CABLES1: variants seen among roughly 807,000 people sequenced by gnomAD.
CABLES1 encodes the protein Cdk5 and Abl enzyme substrate 1, also known as CDK5 and ABL1 enzyme substrate 1.
CABLES1 carries 36 observed loss-of-function variants against 57.8 expected under a neutral mutation model. The observed-to-expected ratio is 0.62, with a 90% CI of 0.48 to 0.82. The LOEUF (loss-of-function observed/expected upper bound fraction) is 0.82. Ranked by LOEUF, CABLES1 falls within the 40% of genes least tolerant of loss-of-function variation. The pLI is 0.00. For missense variants in CABLES1, 767 were observed against 836.6 expected (o/e 0.92, Z 1.03); for synonymous variants, 374 against 363.0 (o/e 1.03, Z -0.35).
At chr18:23,181,496 C>CAAAAAA (rs59742943) in intron 1 of CABLES1, among the ~76,000 whole-genome samples, 605 of 35,388 alleles carry the variant, frequency 0.017, 120 homozygotes, top group Non-Finnish European at 0.022. Flanking sequence ...AGCTTCGTCT[C>CAAAAAA]AAAAAAAAAA....
rs991024491 is a variant in CABLES1, at chr18:23,260,430, C to T, written c.*3063C>T. 1.3e-5 allele frequency: 2 copies of T among 152,248 alleles called. No homozygotes were observed. Among genetic ancestry groups the T allele is most frequent in the Admixed American group, 1.3e-4 (2 of 15,284 alleles). The allele number at this position is 152,248 out of a possible 1,614,324, so 9.4% of individuals were successfully genotyped here. On this transcript the variant is annotated 3_prime_UTR_variant, in exon 10 of 10. Coordinates refer to ENST00000256925, the MANE Select transcript of CABLES1 (RefSeq NM_001100619.3). ...CCCTCCATGTCATTCCTTCCTGTTC[C>T]CTTCATTCCCCAACAGCAAATAAAA...
intron 3 of CABLES1, among the ~76,000 whole-genome samples, chr18:23,209,698 T>C (rs1291109740): frequency 1.3e-5 from 2 of 152,324 alleles, no homozygotes; most frequent in Non-Finnish European, 2.9e-5. Flanking sequence ...CTGTAAGAGA[T>C]GAGACCTTCT....
chr18:23,170,502 G>A (rs950790405), intron 1 of CABLES1, among the ~76,000 whole-genome samples: 2 of 152,188 alleles, frequency 1.3e-5, no homozygotes, highest in African/African-American at 4.8e-5. Flanking sequence ...CCAGCAGCGT[G>A]TGCATGGGCG....
At chr18:23,201,248 A>G (rs9951815) in intron 3 of CABLES1, among the ~76,000 whole-genome samples, 9,053 of 152,290 alleles carry the variant, frequency 0.059, 312 homozygotes, top group Middle Eastern at 0.099. Context: ...GTTCCACCCC[A>G]GGCTCACAAT....
intron 1 of CABLES1, among the ~76,000 whole-genome samples, chr18:23,173,402 A>G (rs1043180224): frequency 1.3e-5 from 2 of 152,134 alleles, no homozygotes; most frequent in African/African-American, 2.4e-5. Context: ...TTCCCTGGAC[A>G]TGTCTGAACC....
At chr18:23,224,864 C>T (rs1457890183) in intron 4 of CABLES1, among the ~76,000 whole-genome samples, 2 of 151,944 alleles carry the variant, frequency 1.3e-5, no homozygotes, top group Admixed American at 6.6e-5. Context: ...CCACCGCACC[C>T]GGCCTTCTTT....
intron 3 of CABLES1, among the ~76,000 whole-genome samples, chr18:23,209,184 TG>T (rs1219451912): frequency 6.6e-6 from 1 of 152,238 alleles, no homozygotes. Context: ...CTGTTTGATC[TG>T]GGACATGAGT....
intron 3 of CABLES1, among the ~76,000 whole-genome samples, chr18:23,200,081 T>C (rs537606963): frequency 3.3e-5 from 5 of 152,252 alleles, no homozygotes; most frequent in Admixed American, 6.5e-5. Context: ...CAAGTGTTTG[T>C]TGAATAAACA....
chr18:23,136,058 G>C lies in CABLES1; in HGVS notation c.296G>C (p.Gly99Ala), dbSNP rs1355015887. Reference protein sequence around the residue: ...EEGGAAKPGAGGACGARTRFS... With the variant: ...EEGGAAKPGAAGACGARTRFS... ...GGCGGCGCGGCCAAGCCGGGCGCCG[G>C]CGGCGCCTGCGGCGCGAGGACTCGG... The change falls in exon 1 of 10, where the codon GGC (glycine) becomes GCC (alanine). Residue 99 changes from glycine to alanine, a missense_variant. Gly to Ala is a moderately conservative substitution (Grantham distance 60). This residue lies in a region of CABLES1 where 198 missense variants were observed against 149.7 expected (regional missense o/e 1.32). Coordinates refer to ENST00000256925, the MANE Select transcript of CABLES1 (RefSeq NM_001100619.3). 2 of 703,686 alleles carry C rather than the reference G, an allele frequency of 2.8e-6. No individual in the cohort carries two copies. Among genetic ancestry groups the C allele is most frequent in the Non-Finnish European group, 3.4e-6 (2 of 585,320 alleles). The allele number at this position is 703,686 out of a possible 1,614,324, so 43.6% of individuals were successfully genotyped here.
chr18:23,189,822 C>G (rs2047228635), intron 2 of CABLES1, among the ~76,000 whole-genome samples: 1 of 152,240 alleles, frequency 6.6e-6, no homozygotes, highest in South Asian at 2.1e-4. Context: ...GCTCCTTCCC[C>G]ACCTGAAGCT....
intron 4 of CABLES1, among the ~76,000 whole-genome samples, chr18:23,216,084 C>T (rs990516212): frequency 6.6e-6 from 1 of 152,190 alleles, no homozygotes; most frequent in Non-Finnish European, 1.5e-5. Context: ...GCTGGAGATA[C>T]CCAGTCAAGC....
chr18:23,150,937 C>T (rs370498216), intron 1 of CABLES1, among the ~76,000 whole-genome samples: 10 of 151,072 alleles, frequency 6.6e-5, no homozygotes, highest in African/African-American at 1.7e-4. Context: ...ACCTGAGAAT[C>T]GGGCGGATGC....
At chr18:23,172,600 T>G (rs2047090490) in intron 1 of CABLES1, among the ~76,000 whole-genome samples, 1 of 152,224 alleles carries the variant, frequency 6.6e-6, no homozygotes. Flanking sequence ...AAGAATATAT[T>G]ATTTTCCACA....
At chr18:23,179,150 G>T (rs955617863) in intron 1 of CABLES1, among the ~76,000 whole-genome samples, 1 of 152,034 alleles carries the variant, frequency 6.6e-6, no homozygotes, top group African/African-American at 2.4e-5. Context: ...GTCGGGTATT[G>T]TGGCGGGTCC....
rs557085439 is a variant in CABLES1, at chr18:23,170,699, T to C, written c.846-18139T>C. On this transcript the variant is annotated intron_variant, in intron 1 of 9. Transcript: ENST00000256925. ...CCTCCTGATTCTTGACAGCTTCAGC[T>C]TCAAAGGGCGTTGTGAAAGTCTGCT... Among the ~76,000 whole-genome samples the C allele has an allele frequency of 2.3e-4, 35 of 152,328 alleles. No homozygotes were observed. In the South Asian group the frequency reaches 6.2e-3, roughly 27 times the overall value.
At chr18:23,182,614 G>A (rs1166122091) in intron 1 of CABLES1, among the ~76,000 whole-genome samples, 1 of 152,242 alleles carries the variant, frequency 6.6e-6, no homozygotes, top group African/African-American at 2.4e-5. Context: ...ATTCTGATGT[G>A]CAGACAGCGT....
chr18:23,145,418 C>T (rs770095536), intron 1 of CABLES1, among the ~76,000 whole-genome samples: 1 of 152,136 alleles, frequency 6.6e-6, no homozygotes, highest in Non-Finnish European at 1.5e-5. Flanking sequence ...TCCTGTTCTC[C>T]TCTTTGGGGG....
intron 1 of CABLES1, among the ~76,000 whole-genome samples, chr18:23,163,121 G>T (rs999741831): frequency 6.6e-6 from 1 of 152,048 alleles, no homozygotes; most frequent in African/African-American, 2.4e-5. Context: ...GGACTCCTGG[G>T]TTTGTGACTT....
chr18:23,246,415 G>A (rs1320373813), intron 7 of CABLES1, among the ~76,000 whole-genome samples: 19 of 151,952 alleles, frequency 1.3e-4, no homozygotes, highest in Non-Finnish European at 1.6e-4. Flanking sequence ...TTTTTGAGAC[G>A]GAGTCTTGCT....
Sources: gnomAD v4.1 joint callset for allele counts (sites outside exome capture counted in the v4.1 genomes callset) on GRCh38, gnomAD v4.1.1 for gene constraint, gnomAD v4.1.1 regional missense constraint, MANE v1.5 for transcripts, NCBI Gene and HGNC (gene_info 2026-07-23, HGNC 2026-07-21) for gene names.